Variants in NALF1 observed in about 807,000 individuals in gnomAD.
NALF1 encodes NALCN channel auxiliary factor 1.
In NALF1, 3 loss-of-function variants were observed where a neutral mutation model predicts 48.4. The observed-to-expected ratio is 0.06, with a 90% CI of 0.03 to 0.16. NALF1 has a LOEUF of 0.16. Ranked by LOEUF, NALF1 falls within the 10% of genes least tolerant of loss-of-function variation. The pLI is 1.00. For synonymous variants in NALF1, 262 were observed against 245.7 expected (o/e 1.07, Z -0.62); for missense variants, 526 against 571.5 (o/e 0.92, Z 0.81).
chr13:107,582,244 G>C (rs1194685954), intron 1 of NALF1, among the ~76,000 whole-genome samples: 1 of 152,134 alleles, frequency 6.6e-6, no homozygotes, highest in East Asian at 1.9e-4. Context: ...ATTAAGAAAG[G>C]CATAGGGCAG....
rs1156323210 is a variant in NALF1 at position 107,168,677 on chromosome 13, C to T, written c.*1820G>A. 1 of 152,322 alleles carries T rather than the reference C, an allele frequency of 6.6e-6. No individual in the cohort carries two copies. The highest frequency in any genetic ancestry group is 2.4e-5 in the African/African-American group (1 of 41,340). 9.4% of individuals were successfully genotyped at this position (152,322 alleles called of 1,614,324 possible). On this transcript the variant is annotated 3_prime_UTR_variant, in exon 3 of 3. Transcript: ENST00000375915. ...TTCTAGCAATTTTATTAAGCAATAC[C>T]TTTATTATTTTTGAATATTCTTAAC...
chr13:107,225,841 G>T (rs185241206), intron 1 of NALF1, among the ~76,000 whole-genome samples: 1 of 151,934 alleles, frequency 6.6e-6, no homozygotes, highest in South Asian at 2.1e-4. Context: ...ACACACACAC[G>T]CATGCGCACA....
chr13:107,173,031 T>C (rs1419503993), intron 2 of NALF1, among the ~76,000 whole-genome samples: 1 of 152,194 alleles, frequency 6.6e-6, no homozygotes, highest in Non-Finnish European at 1.5e-5. Context: ...TGCATCTATA[T>C]TAAGATAAAA....
chr13:107,605,985 A>G (rs61965950), intron 1 of NALF1, among the ~76,000 whole-genome samples: 22,507 of 152,120 alleles, frequency 0.15, 2,149 homozygotes, highest in Admixed American at 0.2. Context: ...GAGTGTTTCA[A>G]TTTTGGGATT....
At chr13:107,339,702 G>T (rs1248455776) in intron 1 of NALF1, among the ~76,000 whole-genome samples, 1 of 152,172 alleles carries the variant, frequency 6.6e-6, no homozygotes, top group African/African-American at 2.4e-5. Flanking sequence ...TTCTCAAAAT[G>T]AAATTCCACA....
intron 1 of NALF1, among the ~76,000 whole-genome samples, chr13:107,710,337 A>G (rs1338916704): frequency 3.3e-5 from 5 of 152,174 alleles, no homozygotes; most frequent in African/African-American, 1.2e-4. Context: ...TCTTGCTAAG[A>G]AATTCATATA....
intron 1 of NALF1, among the ~76,000 whole-genome samples, chr13:107,286,741 C>T (rs1881502339): frequency 6.6e-6 from 1 of 152,096 alleles, no homozygotes. Context: ...ATGGATGAAA[C>T]TTTGACAAAC....
At chr13:107,337,825 C>T (rs972215273) in intron 1 of NALF1, among the ~76,000 whole-genome samples, 7 of 152,084 alleles carry the variant, frequency 4.6e-5, no homozygotes, top group African/African-American at 1.2e-4. Context: ...TGTTGCTTAA[C>T]GTCTCTAAGC....
chr13:107,252,280 G>A (rs552663054), intron 1 of NALF1, among the ~76,000 whole-genome samples: 228 of 152,208 alleles, frequency 1.5e-3, no homozygotes, highest in African/African-American at 5.3e-3. Flanking sequence ...CACGGTTCCC[G>A]GCCACAGCAC....
chr13:107,577,399 T>C (rs1878185189), intron 1 of NALF1, among the ~76,000 whole-genome samples: 1 of 152,172 alleles, frequency 6.6e-6, no homozygotes, highest in Admixed American at 6.5e-5. Flanking sequence ...AAGGGGCTGA[T>C]ACATGTTCTT....
At chr13:107,601,769 A>G (rs962641363) in intron 1 of NALF1, among the ~76,000 whole-genome samples, 1 of 152,096 alleles carries the variant, frequency 6.6e-6, no homozygotes, top group Non-Finnish European at 1.5e-5. Flanking sequence ...AAAAAAAATC[A>G]CTATTGGTAG....
chr13:107,231,666 G>T (rs189386264), intron 1 of NALF1, among the ~76,000 whole-genome samples: 25 of 152,106 alleles, frequency 1.6e-4, no homozygotes, highest in Admixed American at 4.6e-4. Context: ...TTTGAGCTAC[G>T]CAAAAAATTA....
rs892680057 is a variant in NALF1 at position 107,682,763 on chromosome 13, C to T, written c.915+182919G>A. Among the ~76,000 whole-genome samples the T allele has an allele frequency of 3.3e-5, 5 of 152,244 alleles. No individual in the cohort carries two copies. In the South Asian group the frequency reaches 6.2e-4, roughly 19 times the overall value. On this transcript the variant is annotated intron_variant, in intron 1 of 2. Coordinates refer to ENST00000375915, the MANE Select transcript of NALF1 (RefSeq NM_001080396.3). ...TGTCCTCCTAGGCAGGGGTCCTCCA[C>T]GAGATGTGCTGCATTGGGGCATGAA...
intron 2 of NALF1, among the ~76,000 whole-genome samples, chr13:107,209,380 G>A (rs1327190141): frequency 6.6e-6 from 1 of 151,946 alleles, no homozygotes; most frequent in African/African-American, 2.4e-5. Context: ...GGTGGTGCAC[G>A]CCTGTAATCT....
At chr13:107,714,002 A>T (rs1233017895) in intron 1 of NALF1, among the ~76,000 whole-genome samples, 1 of 152,236 alleles carries the variant, frequency 6.6e-6, no homozygotes, top group Non-Finnish European at 1.5e-5. Flanking sequence ...GGGGCTCATG[A>T]GAAGCCTCGG....
chr13:107,471,194 A>G (rs1048424120), intron 1 of NALF1, among the ~76,000 whole-genome samples: 2 of 151,566 alleles, frequency 1.3e-5, no homozygotes, highest in East Asian at 3.8e-4. Flanking sequence ...TTATTGCCGT[A>G]ACCAAATTAC....
In NALF1 at chr13:107,186,869, C is replaced by G. The variant is rs143706886; in HGVS notation, c.1088-16083G>C. The stretch of plus-strand genomic sequence containing the variant: ...ACTCTGGGTTTCATGAGACTGAAAT[C>G]AAGGTATGGGATTTGATTTTCCAAG... On this transcript the variant is annotated intron_variant, in intron 2 of 2. Transcript: ENST00000375915. Among the ~76,000 whole-genome samples the G allele has an allele frequency of 2.4e-3, 364 of 152,244 alleles. 4 individuals carry two copies. Among genetic ancestry groups the G allele is most frequent in the African/African-American group, 8.3e-3 (345 of 41,532 alleles).
At chr13:107,728,534 G>T (rs1360865840) in intron 1 of NALF1, among the ~76,000 whole-genome samples, 1 of 151,914 alleles carries the variant, frequency 6.6e-6, no homozygotes, top group East Asian at 1.9e-4. Flanking sequence ...GTCTGTCAGG[G>T]GGTTGGGGGA....
chr13:107,829,809 A>G (rs147399273), intron 1 of NALF1, among the ~76,000 whole-genome samples: 157 of 152,332 alleles, frequency 1.0e-3, no homozygotes, highest in African/African-American at 3.6e-3. Context: ...ACAGCAGTCT[A>G]TAAGTTTTGT....
Sources: gnomAD v4.1 joint callset for allele counts (sites outside exome capture counted in the v4.1 genomes callset) on GRCh38, gnomAD v4.1.1 for gene constraint, MANE v1.5 for transcripts, NCBI Gene and HGNC (gene_info 2026-07-23, HGNC 2026-07-21) for gene names.